The following PLCH1 variants were observed in gnomAD, a reference collection of about 807,000 sequenced individuals.
PLCH1 encodes the protein phospholipase C eta 1.
A neutral mutation model predicts 126.7 loss-of-function variants in PLCH1; 60 were observed. The ratio of observed to expected loss-of-function variants is 0.47; its 90% CI spans 0.38 to 0.59. The LOEUF is 0.59. Ranked by LOEUF, PLCH1 falls within the 20% of genes least tolerant of loss-of-function variation. The probability of loss-of-function intolerance (pLI) is 0.00; values close to 1 mark genes in which losing one functional copy is unlikely to be tolerated. For synonymous variants in PLCH1, 719 were observed against 734.9 expected (o/e 0.98, Z 0.35); for missense variants, 1,723 against 2,040.0 (o/e 0.84, Z 2.99).
rs140138270 is a variant in PLCH1 at position 155,492,765 on chromosome 3, G to A, written c.2271C>T (p.Pro757=). ...CTCCAAACATGGAGTCTGGAGGTTT[G>A]GGGAGTTGCTGTCCACTGATAACTT... is the stretch of plus-strand genomic sequence containing the variant. The part of the protein sequence containing the change: ...ILKVISGQQL[P]KPPDSMFGDR... The change falls in exon 18 of 23, where the codon CCC becomes CCT. Residue 757 remains proline (P), a synonymous_variant. Coordinates refer to ENST00000460012, the MANE Select transcript of PLCH1 (RefSeq NM_014996.4). 6.9e-5 allele frequency: 110 copies of A among 1,605,666 alleles called. No individual in the cohort carries two copies. Among genetic ancestry groups the A allele is most frequent in the Non-Finnish European group, 8.8e-5 (104 of 1,176,506 alleles).
At chr3:155,527,935 A>AAAG (rs1722177815) in intron 10 of PLCH1, among the ~76,000 whole-genome samples, 1 of 146,408 alleles carries the variant, frequency 6.8e-6, no homozygotes. Context: ...AAAAAAAAAA[A>AAAG]TGTTGGGGCC....
intron 3 of PLCH1, among the ~76,000 whole-genome samples, 198 bp from the exon 4 acceptor site, chr3:155,594,382 GCAACAT>G (rs1732647248): frequency 6.6e-6 from 1 of 151,870 alleles, no homozygotes; most frequent in South Asian, 2.1e-4. Flanking sequence ...ACCAGCCTGG[GCAACAT>G]GGTGAAACCC....
chr3:155,730,737 A>G (rs1748708904), intron 1 of PLCH1, among the ~76,000 whole-genome samples: 3 of 152,256 alleles, frequency 2.0e-5, no homozygotes, highest in Admixed American at 2.0e-4. Flanking sequence ...TCATGAGATC[A>G]TAGCACCTAA....
Position 155,735,667 on chromosome 3 carries a change from T to C in PLCH1, c.-41+9173A>G, listed in dbSNP as rs77459604. On this transcript the variant is annotated intron_variant, in intron 1 of 22. Transcript: ENST00000460012. ...AAAAAAAACTGATAAGGGTAGATTTTCAGTGTTCTTACAGCAAAAAAGAAA... is the reference window on the plus strand; with the variant it reads ...AAAAAAAACTGATAAGGGTAGATTTCCAGTGTTCTTACAGCAAAAAAGAAA... Among the ~76,000 whole-genome samples the C allele has an allele frequency of 5.4e-3, 822 of 151,884 alleles. 9 individuals carry two copies. The highest frequency in any genetic ancestry group is 0.019 in the African/African-American group (787 of 41,422).
intron 2 of PLCH1, among the ~76,000 whole-genome samples, chr3:155,601,187 C>T (rs1027911204): frequency 3.4e-4 from 51 of 152,118 alleles, no homozygotes; most frequent in African/African-American, 1.0e-3. Flanking sequence ...CCGTGTTAGC[C>T]AGTATGGTCT....
At chr3:155,700,497 A>C (rs1746193451) in intron 2 of PLCH1, among the ~76,000 whole-genome samples, 1 of 152,224 alleles carries the variant, frequency 6.6e-6, no homozygotes. Context: ...TTATTCCGAA[A>C]TATTCATTTA....
At chr3:155,722,204 C>A (rs1748001312) in intron 1 of PLCH1, among the ~76,000 whole-genome samples, 1 of 151,850 alleles carries the variant, frequency 6.6e-6, no homozygotes, top group Non-Finnish European at 1.5e-5. Flanking sequence ...GCTCCTGTTG[C>A]CCAGGCTGGA....
chr3:155,563,389 G>A (rs1727893974), intron 8 of PLCH1, among the ~76,000 whole-genome samples: 1 of 152,136 alleles, frequency 6.6e-6, no homozygotes, highest in Admixed American at 6.5e-5. Context: ...TTAGACTCTT[G>A]TTCTCAGATT....
downstream of PLCH1, among the ~76,000 whole-genome samples, chr3:155,477,386 CAG>C (rs1438377799): frequency 6.6e-6 from 1 of 151,840 alleles, no homozygotes; most frequent in Non-Finnish European, 1.5e-5. Flanking sequence ...AAAGCAAAAA[CAG>C]ACAAATGGGA....
intron 2 of PLCH1, among the ~76,000 whole-genome samples, chr3:155,662,466 TA>T (rs971289857): frequency 1.3e-5 from 2 of 149,210 alleles, no homozygotes; most frequent in Non-Finnish European, 3.0e-5. Flanking sequence ...ACACCGTCTC[TA>T]AAAAAAAATT....
intron 2 of PLCH1, chr3:155,658,028 A>C (rs1205360141): frequency 5.0e-5 from 10 of 200,174 alleles, no homozygotes; most frequent in Non-Finnish European, 9.7e-5. Context: ...AAGGAAAAGG[A>C]AAAGGTTCAT....
chr3:155,734,710 C>CTTTTT (rs1226347081), intron 1 of PLCH1, among the ~76,000 whole-genome samples: 1 of 135,504 alleles, frequency 7.4e-6, no homozygotes, highest in South Asian at 2.4e-4. Flanking sequence ...TTTTCTTTTT[C>CTTTTT]TTTTTTTTTT....
At chr3:155,462,509 C>T (rs1458073895) in intron 21 of PLCH1, among the ~76,000 whole-genome samples, 2 of 152,120 alleles carry the variant, frequency 1.3e-5, no homozygotes, top group East Asian at 3.9e-4. Flanking sequence ...TTGAAACTGA[C>T]CACGATCTGG....
chr3:155,666,430 T>C (rs1324748171), intron 2 of PLCH1, among the ~76,000 whole-genome samples: 1 of 152,256 alleles, frequency 6.6e-6, no homozygotes, highest in Non-Finnish European at 1.5e-5. Flanking sequence ...ATATTCTCTC[T>C]GGTCTATGGA....
At chr3:155,650,838 G>C (rs1424874085) in intron 2 of PLCH1, among the ~76,000 whole-genome samples, 1 of 152,186 alleles carries the variant, frequency 6.6e-6, no homozygotes, top group Admixed American at 6.5e-5. Context: ...AGGAGTTCGA[G>C]ACTAGCCTGG....
At chr3:155,590,535 GCCA>G (rs1732005503) in intron 4 of PLCH1, among the ~76,000 whole-genome samples, 1 of 138,488 alleles carries the variant, frequency 7.2e-6, no homozygotes. Flanking sequence ...CCGAGATCCT[GCCA>G]CTGCACTCCA....
intron 2 of PLCH1, among the ~76,000 whole-genome samples, chr3:155,672,487 C>T (rs1260294824): frequency 6.6e-6 from 1 of 152,106 alleles, no homozygotes; most frequent in African/African-American, 2.4e-5. Flanking sequence ...GACCTTCCTG[C>T]CCTAATGTTA....
intron 1 of PLCH1, among the ~76,000 whole-genome samples, chr3:155,736,094 G>A (rs1009785482): frequency 4.6e-5 from 7 of 152,176 alleles, no homozygotes; most frequent in African/African-American, 1.4e-4. Flanking sequence ...TCACCAGATC[G>A]GAAGTGAGGA....
Position 155,458,384 on chromosome 3 carries a change from AAGAAGGAAG to A in PLCH1, c.2938+26963_2938+26971del, listed in dbSNP as rs1560027069. ...GAAAGAAAGAAGAAAGAAAGAAAGA[AAGAAGGAAG>A]GAAGGAAGGAAGGAAGGAAGGAAGG... On this transcript the variant is annotated intron_variant, in intron 21 of 21. Coordinates refer to the PLCH1 transcript ENST00000494598. 3.5e-4 allele frequency among the ~76,000 whole-genome samples: 33 copies of A among 93,646 alleles called. 1 individual carries two copies. Among genetic ancestry groups the A allele is most frequent in the African/African-American group, 1.5e-3 (26 of 17,778 alleles). The allele number at this position is 93,646 out of a possible 152,430, so 61.4% of individuals were successfully genotyped here. A position where few individuals can be genotyped will look rare whatever the true frequency, so the allele number is the denominator to read the frequency against.
Sources: gnomAD v4.1 joint callset for allele counts (sites outside exome capture counted in the v4.1 genomes callset) on GRCh38, gnomAD v4.1.1 for gene constraint, MANE v1.5 for transcripts, NCBI Gene and HGNC (gene_info 2026-07-23, HGNC 2026-07-21) for gene names.